SPTAN1: variants seen among roughly 807,000 people sequenced by gnomAD.
SPTAN1 encodes the protein spectrin alpha, non-erythrocytic 1.
Under a neutral mutation model 331.3 loss-of-function variants are expected in SPTAN1, and 61 were observed. The observed-to-expected ratio is 0.18, with a 90% CI of 0.15 to 0.23. SPTAN1 has a LOEUF of 0.23. SPTAN1 is among the 10% of genes least tolerant of loss of function. The pLI is 1.00. For synonymous variants in SPTAN1, 1,153 were observed against 1,173.9 expected, an observed-to-expected ratio of 0.98 and a Z score of 0.36; for missense variants, 2,043 against 3,147.9, an observed-to-expected ratio of 0.65 and a Z score of 8.40.
intron 46 of SPTAN1, 171 bp downstream of exon 46, chr9:128,624,658 GGCCAGAACT>G: frequency 1.2e-6 from 1 of 821,978 alleles, no homozygotes; most frequent in Non-Finnish European, 1.9e-6. Flanking sequence ...AGTGTCCTGA[GGCCAGAACT>G]GCCACCCGGA....
At position 128,575,321 on chromosome 9, in the gene SPTAN1, C is replaced by T. The variant is rs756896679; in HGVS notation, c.627C>T (p.Asn209=). 17 of 1,613,154 alleles carry T rather than the reference C, an allele frequency of 1.1e-5. No homozygotes were observed. The highest frequency in any genetic ancestry group is 1.4e-5 in the Non-Finnish European group (16 of 1,180,028). The change falls in exon 5 of 57, where the codon AAC becomes AAT. Residue 209 remains asparagine, a synonymous_variant. Coordinates refer to ENST00000372739, the MANE Select transcript of SPTAN1 (RefSeq NM_001130438.3). ...ATGAAGAAAGAGTTAATGAAGTGAA[C>T]CAGTTTGCTGCCAAACTCATACAGG... is the stretch of plus-strand genomic sequence containing the variant. ...AAHEERVNEV[N]QFAAKLIQEQ... is the part of the protein sequence containing the mutation.
chr9:128,595,580 G>T (rs1854163930), intron 24 of SPTAN1, among the ~76,000 whole-genome samples: 1 of 151,910 alleles, frequency 6.6e-6, no homozygotes, highest in Non-Finnish European at 1.5e-5. Context: ...CACAAAGCTA[G>T]CCATTTTAAA....
chr9:128,571,281 C>A (rs1302596238), intron 3 of SPTAN1, among the ~76,000 whole-genome samples: 6 of 98,452 alleles, frequency 6.1e-5, no homozygotes, highest in African/African-American at 1.5e-4. Context: ...CAGAGCAAGA[C>A]TGGGAAAAAG....
intron 23 of SPTAN1, 123 bp downstream of exon 23, chr9:128,593,165 T>A: frequency 9.3e-7 from 1 of 1,070,954 alleles, no homozygotes; most frequent in Non-Finnish European, 1.4e-6. Flanking sequence ...AGGAACTGCC[T>A]GTCCGTGCAG....
Position 128,594,241 on chromosome 9 carries a change from T to C in SPTAN1, c.3282T>C (p.Phe1094=), listed in dbSNP as rs1045745615. ...TGTTGGAGAAGAGTTGCAAGAAGTT[T>C]ATGTTGTTCCGTGAAGCGAATGAAC... ...KGMLEKSCKK[F]MLFREANELQ... is the part of the protein sequence containing the mutation. Residue 1094 remains phenylalanine (F), a synonymous_variant, in exon 24 of 57, where the codon TTT becomes TTC. Coordinates refer to ENST00000372739, the MANE Select transcript of SPTAN1 (RefSeq NM_001130438.3). The C allele has an allele frequency of 4.3e-6, 7 of 1,613,994 alleles. No homozygotes were observed. Among genetic ancestry groups the C allele is most frequent in the Non-Finnish European group, 5.1e-6 (6 of 1,180,020 alleles).
At position 128,595,576 on chromosome 9, in the gene SPTAN1, G is replaced by A. The variant is rs377597259; in HGVS notation, c.3414+1203G>A. Among the ~76,000 whole-genome samples, 47 of 152,020 alleles carry A rather than the reference G, an allele frequency of 3.1e-4. No homozygotes were observed. The South Asian group carries it at 9.5e-3, about 31-fold the overall frequency. ...TTTTTAATTGGGGTAAATTCACAAAGCTAGCCATTTTAAACTGTACAATTC... is the reference window on the plus strand; with the variant it reads ...TTTTTAATTGGGGTAAATTCACAAAACTAGCCATTTTAAACTGTACAATTC... On this transcript the variant is annotated intron_variant, in intron 24 of 56. Transcript: ENST00000372739.
intron 38 of SPTAN1, 57 bp from the exon 39 acceptor site, chr9:128,612,052 G>A (rs1856628874): frequency 1.9e-6 from 3 of 1,613,672 alleles, no homozygotes; most frequent in East Asian, 2.2e-5. Context: ...TTGAGCTTTA[G>A]GAGAGGGACG....
chr9:128,585,015 CTT>C (rs11382658), intron 18 of SPTAN1, among the ~76,000 whole-genome samples, 172 bp downstream of exon 18: 28 of 133,042 alleles, frequency 2.1e-4, no homozygotes, highest in Admixed American at 1.5e-4. Flanking sequence ...GCCTGAATTT[CTT>C]TTTTTTTTTT....
At chr9:128,586,106 C>G in intron 19 of SPTAN1, 141 bp downstream of exon 19, 1 of 467,792 alleles carries the variant, frequency 2.1e-6, no homozygotes, top group Non-Finnish European at 3.8e-6. Flanking sequence ...ATCCATTTTT[C>G]ACTTGGTTTT....
Position 128,577,292 on chromosome 9 carries a change from T to C in SPTAN1, c.930+19T>C. 6.2e-7 allele frequency: 1 copy of C among 1,614,246 alleles called. No individual in the cohort carries two copies. Among genetic ancestry groups the C allele is most frequent in the Non-Finnish European group, 8.5e-7 (1 of 1,180,050 alleles). On this transcript the variant is annotated intron_variant, in intron 7 of 56. Coordinates refer to ENST00000372739, the MANE Select transcript of SPTAN1 (RefSeq NM_001130438.3). This position sits in a 1 kb window ranked among gnomAD's most constrained non-coding sequence, Gnocchi z 4.2. ...AGACAAGGTGGGTTTTACAAGCAGC[T>C]GATTCTGTAAATAAGTTACCAAGGG...
chr9:128,561,429 C>A (rs192070654), intron 1 of SPTAN1, among the ~76,000 whole-genome samples: 1 of 150,430 alleles, frequency 6.6e-6, no homozygotes, highest in African/African-American at 2.4e-5. Flanking sequence ...TTTTGGAGGC[C>A]GAGGCAGGCA....
intron 37 of SPTAN1, 49 bp from the exon 38 acceptor site, chr9:128,611,665 C>T (rs1409239024): frequency 6.2e-7 from 1 of 1,609,448 alleles, no homozygotes. Flanking sequence ...CCTGAAAAGA[C>T]ATAACCTAGC....
rs532747651 is a variant in SPTAN1 at position 128,625,543 on chromosome 9, C to T, written c.6070-226C>T. Reference sequence around the variant, plus strand: ...GCAGAGCTGGCAGGGATCCCTGGGGCGGGAGAGCGGAAGGCTGGGGTCAGG... The same window carrying T: ...GCAGAGCTGGCAGGGATCCCTGGGGTGGGAGAGCGGAAGGCTGGGGTCAGG... On this transcript the variant is annotated intron_variant, in intron 47 of 56. Coordinates refer to ENST00000372739, the MANE Select transcript of SPTAN1 (RefSeq NM_001130438.3). The surrounding 1 kb of genome is among the most constrained non-coding windows in gnomAD (Gnocchi z 4.1). Among the ~76,000 whole-genome samples the T allele has an allele frequency of 6.6e-5, 10 of 152,106 alleles. No homozygotes were observed. In the South Asian group the frequency reaches 8.3e-4, roughly 13 times the overall value.
In SPTAN1 at chr9:128,627,524, C is replaced by T. The variant is rs1411124584; in HGVS notation, c.6689+26C>T. 3.3e-6 allele frequency: 5 copies of T among 1,535,574 alleles called. No individual in the cohort carries two copies. In the East Asian group the frequency reaches 1.2e-4, roughly 38 times the overall value. ...GTGCCAGCCCGCTGGGGCCGGGGAG[C>T]AGCAGCATGTCCCTGCTGTACTTAA... On this transcript the variant is annotated intron_variant, in intron 50 of 56. Coordinates refer to ENST00000372739, the MANE Select transcript of SPTAN1 (RefSeq NM_001130438.3). This position sits in a 1 kb window ranked among gnomAD's most constrained non-coding sequence, Gnocchi z 4.9.
intron 21 of SPTAN1, 132 bp from the exon 22 acceptor site, chr9:128,591,345 T>C (rs2131314938): frequency 9.0e-7 from 1 of 1,109,898 alleles, no homozygotes; most frequent in Non-Finnish European, 1.4e-6. Flanking sequence ...GGATTATAGG[T>C]GTGAGCCACT....
intron 29 of SPTAN1, 32 bp downstream of exon 29, chr9:128,604,449 G>A (rs1162308180): frequency 1.9e-6 from 3 of 1,593,386 alleles, no homozygotes. Context: ...GGGAGAGGGA[G>A]AAACAGGTGA....
intron 1 of SPTAN1, among the ~76,000 whole-genome samples, chr9:128,557,769 T>C (rs1259895546): frequency 6.6e-6 from 1 of 151,472 alleles, no homozygotes; most frequent in Admixed American, 6.6e-5. Context: ...TTCTGAAGCA[T>C]GCTGTATCTT....
intron 20 of SPTAN1, 102 bp from the exon 21 acceptor site, chr9:128,588,707 T>C: frequency 1.3e-6 from 2 of 1,495,602 alleles, no homozygotes; most frequent in Non-Finnish European, 1.8e-6. Flanking sequence ...AGTGTATATT[T>C]GGTACATTTG....
intron 23 of SPTAN1, chr9:128,593,967 C>CAGT: frequency 1.6e-6 from 1 of 609,678 alleles, no homozygotes; most frequent in Admixed American, 2.2e-5. Context: ...TGGTTGTGAA[C>CAGT]AGTACAGTGT....
Sources: allele counts gnomAD v4.1 joint callset (sites outside exome capture counted in the v4.1 genomes callset), GRCh38; gene constraint gnomAD v4.1.1; non-coding constraint Gnocchi (gnomAD v3.1); transcripts MANE v1.5; gene names NCBI Gene and HGNC (gene_info 2026-07-23, HGNC 2026-07-21).